The following STK4 variants were observed in gnomAD, a reference collection of about 807,000 sequenced individuals.
STK4 encodes the protein serine/threonine kinase 4.
A neutral mutation model predicts 64.9 loss-of-function variants in STK4; 30 were observed. The observed-to-expected ratio is 0.46, with a 90% CI of 0.35 to 0.63. The LOEUF (loss-of-function observed/expected upper bound fraction) is 0.63. STK4 is among the 20% of genes least tolerant of loss of function. The pLI, the probability that STK4 is intolerant of heterozygous loss-of-function variation, is 0.01. For missense variants in STK4, 466 were observed against 598.5 expected, an observed-to-expected ratio of 0.78 and a Z score of 2.31; for synonymous variants, 177 against 199.0, an observed-to-expected ratio of 0.89 and a Z score of 0.93.
chr20:45,070,095 A>G (rs1331236675), intron 10 of STK4, among the ~76,000 whole-genome samples: 1 of 152,208 alleles, frequency 6.6e-6, no homozygotes, highest in Admixed American at 6.5e-5. Flanking sequence ...CTGAGGCTGG[A>G]AAAAGTATGG....
At chr20:45,044,521 G>A (rs146551472) in intron 10 of STK4, among the ~76,000 whole-genome samples, 47 of 152,172 alleles carry the variant, frequency 3.1e-4, no homozygotes, top group African/African-American at 1.1e-3. Context: ...AGGTAGGGTG[G>A]CATGTGCCTG....
chr20:45,045,855 G>A (rs2068686233), intron 10 of STK4, among the ~76,000 whole-genome samples: 1 of 151,886 alleles, frequency 6.6e-6, no homozygotes. Context: ...CGCCCAGGCT[G>A]GAGTGCAGTG....
At chr20:45,032,816 A>G (rs538070836) in intron 10 of STK4, among the ~76,000 whole-genome samples, 122 of 152,272 alleles carry the variant, frequency 8.0e-4, no homozygotes, top group Non-Finnish European at 1.4e-3. Flanking sequence ...TTGAACAGTA[A>G]TTCTCTTTTA....
intron 10 of STK4, among the ~76,000 whole-genome samples, chr20:45,039,951 A>G (rs1422348803): frequency 6.6e-6 from 1 of 152,060 alleles, no homozygotes; most frequent in African/African-American, 2.4e-5. Flanking sequence ...TTGGTCTTAT[A>G]GAGTCCCCTA....
chr20:45,035,450 G>A (rs2068513069), intron 10 of STK4, among the ~76,000 whole-genome samples: 1 of 152,094 alleles, frequency 6.6e-6, no homozygotes, highest in Non-Finnish European at 1.5e-5. Context: ...AGCTTTGCAA[G>A]TATTGTTGAT....
chr20:44,984,186 G>GTTTTTTTTTTTTTTT (rs11397664), intron 4 of STK4, among the ~76,000 whole-genome samples: 12 of 76,076 alleles, frequency 1.6e-4, no homozygotes, highest in Non-Finnish European at 2.3e-4. Flanking sequence ...TGTTGTCGTT[G>GTTTTTTTTTTTTTTT]TTTTTTTTTT....
chr20:45,013,528 G>A (rs995329562), intron 9 of STK4, among the ~76,000 whole-genome samples: 4 of 151,994 alleles, frequency 2.6e-5, no homozygotes, highest in African/African-American at 9.7e-5. Flanking sequence ...ATTCGGAAGT[G>A]TTTTTTAATA....
At chr20:44,974,677 G>A (rs1177471070) in intron 2 of STK4, 1 of 152,022 alleles carries the variant, frequency 6.6e-6, no homozygotes, top group East Asian at 1.9e-4. Flanking sequence ...CACCATATTG[G>A]CCAGGATGGT....
At chr20:45,066,809 T>A (rs1979617175) in intron 10 of STK4, among the ~76,000 whole-genome samples, 1 of 152,230 alleles carries the variant, frequency 6.6e-6, no homozygotes, top group African/African-American at 2.4e-5. Flanking sequence ...GGCATGACCA[T>A]AATTTGAGTC....
Position 45,042,871 on chromosome 20 carries a change from C to T in STK4, c.1305+17741C>T, listed in dbSNP as rs574353089. On this transcript the variant is annotated intron_variant, in intron 10 of 10. Coordinates refer to ENST00000372806, the MANE Select transcript of STK4 (RefSeq NM_006282.5). The stretch of plus-strand genomic sequence containing the variant: ...AATTTCCAACTTTTAAGTTCAGGGG[C>T]ACATGTGCAGGATGTGCTGGTTTTT... 3.9e-5 allele frequency among the ~76,000 whole-genome samples: 6 copies of T among 152,108 alleles called. No individual in the cohort carries two copies. In the East Asian group the frequency reaches 1.2e-3, roughly 29 times the overall value.
chr20:45,022,530 G>A (rs897270026), intron 9 of STK4, among the ~76,000 whole-genome samples: 1 of 151,512 alleles, frequency 6.6e-6, no homozygotes, highest in African/African-American at 2.4e-5. Flanking sequence ...AACAGTGACA[G>A]AAATAGACAA....
At chr20:44,983,053 A>G (rs1601197773) in intron 4 of STK4, among the ~76,000 whole-genome samples, 1 of 152,278 alleles carries the variant, frequency 6.6e-6, no homozygotes, top group African/African-American at 2.4e-5. Flanking sequence ...GGAACATTGT[A>G]GGTGGGCAGT....
intron 9 of STK4, among the ~76,000 whole-genome samples, chr20:45,015,611 C>A (rs2068127191): frequency 6.6e-6 from 1 of 152,138 alleles, no homozygotes; most frequent in Admixed American, 6.5e-5. Context: ...TTGTTGGAAC[C>A]CTATCTCTGA....
chr20:44,997,090 G>A (rs149741663), intron 6 of STK4, 79 bp from the exon 7 acceptor site: 20 of 1,587,532 alleles, frequency 1.3e-5, no homozygotes, highest in Non-Finnish European at 1.6e-5. Flanking sequence ...AGCTTCAAAT[G>A]TAATTCCACA....
intron 10 of STK4, among the ~76,000 whole-genome samples, chr20:45,058,263 G>C (rs1186793611): frequency 1.3e-5 from 2 of 151,304 alleles, no homozygotes; most frequent in Non-Finnish European, 2.9e-5. Flanking sequence ...TTCTTTTTTG[G>C]GTATTTAGGT....
Position 45,001,421 on chromosome 20 carries a change from C to T in STK4, c.1147+68C>T, listed in dbSNP as rs549852357. The T allele has an allele frequency of 5.9e-6, 9 of 1,522,086 alleles. No homozygotes were observed. In the African/African-American group the frequency reaches 9.6e-5, roughly 16 times the overall value. 94.3% of individuals were successfully genotyped at this position (1,522,086 alleles called of 1,614,324 possible). A position where few individuals can be genotyped will look rare whatever the true frequency, so the allele number is the denominator to read the frequency against. On this transcript the variant is annotated intron_variant, in intron 9 of 10. Coordinates refer to ENST00000372806, the MANE Select transcript of STK4 (RefSeq NM_006282.5). ...ACATATTTCAGAGAAGACAGATTCT[C>T]ATGGTTCATGCAGGCTTAGCCTTGG...
At chr20:45,033,569 A>G (rs1338397512) in intron 10 of STK4, among the ~76,000 whole-genome samples, 1 of 151,430 alleles carries the variant, frequency 6.6e-6, no homozygotes, top group African/African-American at 2.4e-5. Context: ...ACTTTGAGTT[A>G]CTATGTTTTT....
In STK4 at chr20:45,037,611, C is replaced by CT. The variant is rs544080399; in HGVS notation, c.1305+12486dup. ...GGATAGTTATAAGCCATTCAGTTGGCTTTTTGTGGTAAGGAAGGATAAATT... is the reference window on the plus strand; with the variant it reads ...GGATAGTTATAAGCCATTCAGTTGGCTTTTTTGTGGTAAGGAAGGATAAATT... On this transcript the variant is annotated intron_variant, in intron 10 of 10. Transcript: ENST00000372806. Among the ~76,000 whole-genome samples the CT allele has an allele frequency of 1.4e-3, 218 of 152,172 alleles. 1 individual carries two copies. The highest frequency in any genetic ancestry group is 2.2e-3 in the Admixed American group (33 of 15,268).
At chr20:45,015,696 T>C (rs1410760371) in intron 9 of STK4, among the ~76,000 whole-genome samples, 1 of 152,238 alleles carries the variant, frequency 6.6e-6, no homozygotes, top group Non-Finnish European at 1.5e-5. Context: ...CTTGAAACTT[T>C]GCTCAGGGTC....
Sources: gnomAD v4.1 joint callset for allele counts (sites outside exome capture counted in the v4.1 genomes callset) on GRCh38, gnomAD v4.1.1 for gene constraint, MANE v1.5 for transcripts, NCBI Gene and HGNC (gene_info 2026-07-23, HGNC 2026-07-21) for gene names.